C2orf15: variants seen among roughly 807,000 people sequenced by gnomAD.
C2orf15 encodes uncharacterized protein C2orf15.
C2orf15 carries 3 observed loss-of-function variants against 4.4 expected under a neutral mutation model. The observed-to-expected ratio is 0.67, with a 90% CI of 0.31 to 1.74. The LOEUF (loss-of-function observed/expected upper bound fraction) is 1.74. Ranked by LOEUF, C2orf15 falls within the 40% of genes most tolerant of loss-of-function variation. The pLI is 0.09. For missense variants in C2orf15, 90 were observed against 103.3 expected, an observed-to-expected ratio of 0.87 and a Z score of 0.56; for synonymous variants, 37 against 36.8, an observed-to-expected ratio of 1.00 and a Z score of -0.02.
intron 3 of C2orf15, chr2:99,148,385 CAG>C (rs1310716939): frequency 6.6e-6 from 1 of 152,128 alleles, no homozygotes; most frequent in South Asian, 2.1e-4. Flanking sequence ...AGAATTTCAT[CAG>C]AGATATTAAA....
rs2093683770 is a variant in C2orf15 at position 99,150,622 on chromosome 2, G to A, written c.64G>A (p.Asp22Asn). ...VSAIHMDSKV[D>N]DHLIRGTEKS... ...TGCTATACATATGGATTCAAAAGTG[G>A]ATGATCACTTAATACGAGGGACTGA... Residue 22 changes from aspartate to asparagine, a missense_variant, in exon 4 of 4, where the codon GAT becomes AAT. Physicochemically the swap from Asp to Asn is conservative, Grantham distance 23. Transcript: ENST00000650052. 5 of 1,613,996 alleles carry A rather than the reference G, an allele frequency of 3.1e-6. No homozygotes were observed. The highest frequency in any genetic ancestry group is 4.2e-6 in the Non-Finnish European group (5 of 1,179,954).
chr2:99,143,721 C>G (rs1339160655), intron 2 of C2orf15, among the ~76,000 whole-genome samples: 3 of 152,092 alleles, frequency 2.0e-5, no homozygotes, highest in Non-Finnish European at 2.9e-5. Context: ...ATCCACCCAC[C>G]TCAGCATCCC....
At chr2:99,142,935 CA>C (rs1322593460) in intron 2 of C2orf15, among the ~76,000 whole-genome samples, 2 of 151,922 alleles carry the variant, frequency 1.3e-5, no homozygotes, top group Non-Finnish European at 2.9e-5. Context: ...TTATGTATGC[CA>C]CCTAGACGGT....
intron 2 of C2orf15, among the ~76,000 whole-genome samples, chr2:99,143,132 CCTTT>C (rs1180316456): frequency 3.0e-5 from 4 of 133,294 alleles, no homozygotes; most frequent in Admixed American, 8.2e-5. Flanking sequence ...CCCAACTAAA[CCTTT>C]TTTTTTTTTT....
intron 2 of C2orf15, among the ~76,000 whole-genome samples, chr2:99,146,435 C>T (rs1414362195): frequency 6.6e-6 from 1 of 152,028 alleles, no homozygotes; most frequent in Non-Finnish European, 1.5e-5. Context: ...TCTTATCTAT[C>T]TTTTTGTTTA....
chr2:99,149,442 CTT>C (rs35395900), intron 3 of C2orf15, among the ~76,000 whole-genome samples: 5 of 132,794 alleles, frequency 3.8e-5, no homozygotes, highest in Non-Finnish European at 4.7e-5. Flanking sequence ...ACATGATCAT[CTT>C]TTTTTTTTTT....
chr2:99,150,415 A>G, intron 3 of C2orf15, 68 bp from the exon 4 acceptor site: 1 of 890,872 alleles, frequency 1.1e-6, no homozygotes, highest in Non-Finnish European at 1.7e-6. Flanking sequence ...TTTCATTCAA[A>G]CAAACATTGC....
chr2:99,151,314 T>C lies in C2orf15; in HGVS notation c.*480T>C, dbSNP rs1403061991. On this transcript the variant is annotated 3_prime_UTR_variant, in exon 4 of 4. Transcript: ENST00000650052. ...CCATCTCTACTAAAAATGCAAAAAG[T>C]TAGCCAGGCATGGTGGTGGGCACCT... The C allele has an allele frequency of 3.3e-5, 5 of 152,228 alleles. No individual in the cohort carries two copies. The highest frequency in any genetic ancestry group is 1.2e-4 in the African/African-American group (5 of 41,296). 9.4% of individuals were successfully genotyped at this position (152,228 alleles called of 1,614,324 possible).
rs767920215 is a variant in C2orf15, at chr2:99,150,637, C to G, written c.79C>G (p.Arg27Gly). The G allele has an allele frequency of 6.2e-7, 1 of 1,613,762 alleles. No homozygotes were observed. Among genetic ancestry groups the G allele is most frequent in the African/African-American group, 1.3e-5 (1 of 74,852 alleles). Residue 27 changes from arginine (R) to glycine (G), a missense_variant, in exon 4 of 4, where the codon CGA becomes GGA. Arg to Gly is a moderately radical substitution (Grantham distance 125). Coordinates refer to ENST00000650052, the MANE Select transcript of C2orf15 (RefSeq NM_144706.4). ...MDSKVDDHLI[R>G]GTEKSRLEPA... ...TTCAAAAGTGGATGATCACTTAATA[C>G]GAGGGACTGAAAAAAGCAGGTTGGA...
At chr2:99,144,018 C>CTT (rs36036293) in intron 2 of C2orf15, among the ~76,000 whole-genome samples, 19 of 151,452 alleles carry the variant, frequency 1.3e-4, no homozygotes, top group South Asian at 1.0e-3. Context: ...TGCTGTGTTC[C>CTT]TTTTTTTTGT....
chr2:99,144,648 T>TAAAAAAAAAA (rs2093613310), intron 2 of C2orf15, among the ~76,000 whole-genome samples: 1 of 15,758 alleles, frequency 6.3e-5, no homozygotes. Context: ...AAACTCTGTC[T>TAAAAAAAAAA]CAAAAAAAAA....
At chr2:99,142,021 T>G (rs1449668474) in intron 1 of C2orf15, 84 bp downstream of exon 1, 2 of 152,294 alleles carry the variant, frequency 1.3e-5, no homozygotes, top group Non-Finnish European at 2.9e-5. Context: ...AATCAGGAAG[T>G]GGCAGATCTA....
chr2:99,148,363 T>C (rs2093653305), intron 3 of C2orf15: 1 of 152,210 alleles, frequency 6.6e-6, no homozygotes, highest in Non-Finnish European at 1.5e-5. Flanking sequence ...AAATCAAATA[T>C]ACCCATATTT....
chr2:99,144,210 A>G (rs1425987088), intron 2 of C2orf15, among the ~76,000 whole-genome samples: 1 of 151,774 alleles, frequency 6.6e-6, no homozygotes, highest in African/African-American at 2.4e-5. Flanking sequence ...TTTAGTAGAG[A>G]CGGGGTTTCA....
chr2:99,147,281 G>A (rs1306533947), intron 2 of C2orf15, 121 bp from the exon 3 acceptor site: 7 of 522,754 alleles, frequency 1.3e-5, no homozygotes, highest in Admixed American at 9.8e-5. Flanking sequence ...AATTACAGGC[G>A]TGAGCCATTG....
intron 3 of C2orf15, among the ~76,000 whole-genome samples, chr2:99,149,785 C>CCTTT (rs779013460): frequency 8.9e-6 from 1 of 112,456 alleles, no homozygotes; most frequent in Non-Finnish European, 1.7e-5. Flanking sequence ...TCACAAGTAT[C>CCTTT]TTTTTTTTTT....
In C2orf15 at chr2:99,150,499, A is replaced by C; in HGVS notation, c.-60A>C. 6.5e-7 allele frequency: 1 copy of C among 1,549,194 alleles called. No individual in the cohort carries two copies. Among genetic ancestry groups the C allele is most frequent in the South Asian group, 1.2e-5 (1 of 82,018 alleles). ...TTTTTTCAGTAATCAAGTTGAAGAA[A>C]CACTTCCACTACTTAAAAAGGTACC... On this transcript the variant is annotated 5_prime_UTR_variant, in exon 4 of 4. Coordinates refer to ENST00000650052, the MANE Select transcript of C2orf15 (RefSeq NM_144706.4).
At chr2:99,149,592 G>A (rs2093669349) in intron 3 of C2orf15, among the ~76,000 whole-genome samples, 1 of 150,790 alleles carries the variant, frequency 6.6e-6, no homozygotes, top group South Asian at 2.1e-4. Flanking sequence ...ACAGGTGCCC[G>A]CCACCACGCC....
intron 3 of C2orf15, among the ~76,000 whole-genome samples, chr2:99,149,714 T>C (rs2093670862): frequency 6.6e-6 from 1 of 151,326 alleles, no homozygotes; most frequent in Admixed American, 6.6e-5. Flanking sequence ...AGTGCTGGGA[T>C]TACAGGTGTG....
Sources: gnomAD v4.1 joint callset for allele counts (sites outside exome capture counted in the v4.1 genomes callset) on GRCh38, gnomAD v4.1.1 for gene constraint, MANE v1.5 for transcripts, NCBI Gene and HGNC (gene_info 2026-07-23, HGNC 2026-07-21) for gene names.